The following CDH13 variants were observed in gnomAD, a reference collection of about 807,000 sequenced individuals.
CDH13 encodes the protein cadherin 13.
A neutral mutation model predicts 63.8 loss-of-function variants in CDH13; 24 were observed. The observed-to-expected ratio is 0.38, with a 90% CI of 0.27 to 0.53. The LOEUF is 0.53. CDH13 is among the 20% of genes least tolerant of loss of function. CDH13 has a pLI of 0.85. For missense variants in CDH13, 1,049 were observed against 903.1 expected, an observed-to-expected ratio of 1.16 and a Z score of -2.07; for synonymous variants, 503 against 355.3, an observed-to-expected ratio of 1.42 and a Z score of -4.67.
At chr16:83,366,223 C>T (rs193171097) in intron 6 of CDH13, among the ~76,000 whole-genome samples, 1 of 152,156 alleles carries the variant, frequency 6.6e-6, no homozygotes, top group African/African-American at 2.4e-5. Context: ...AATGAATTAC[C>T]AACTTACAAT....
chr16:83,381,634 A>C (rs903492328), intron 6 of CDH13, among the ~76,000 whole-genome samples: 1 of 151,454 alleles, frequency 6.6e-6, no homozygotes, highest in African/African-American at 2.4e-5. Context: ...AACCACTCTC[A>C]CCTAAAAAAG....
At chr16:83,643,345 A>C (rs1341936568) in intron 8 of CDH13, among the ~76,000 whole-genome samples, 1 of 151,544 alleles carries the variant, frequency 6.6e-6, no homozygotes, top group Non-Finnish European at 1.5e-5. Context: ...CTGAGAGAGG[A>C]CTATGTTCTT....
chr16:82,937,929 A>C (rs914606570), intron 2 of CDH13, among the ~76,000 whole-genome samples: 4 of 152,216 alleles, frequency 2.6e-5, no homozygotes, highest in Non-Finnish European at 5.9e-5. Flanking sequence ...AAGGACAGTA[A>C]TTGGATATAG....
At chr16:83,219,488 A>G (rs1035268110) in intron 5 of CDH13, among the ~76,000 whole-genome samples, 1 of 152,200 alleles carries the variant, frequency 6.6e-6, no homozygotes, top group Non-Finnish European at 1.5e-5. Flanking sequence ...ATGTCATAGG[A>G]TTTCATAAGG....
intron 2 of CDH13, among the ~76,000 whole-genome samples, chr16:82,877,960 C>CACACACAT (rs1484544279): frequency 1.1e-5 from 1 of 91,132 alleles, no homozygotes; most frequent in South Asian, 6.0e-4. Flanking sequence ...CACACACACA[C>CACACACAT]ATATACACAC....
intron 1 of CDH13, among the ~76,000 whole-genome samples, chr16:82,762,375 T>C (rs1023459866): frequency 3.3e-5 from 5 of 152,206 alleles, no homozygotes; most frequent in Non-Finnish European, 7.3e-5. Flanking sequence ...AAAATATACC[T>C]GTGATTTTCT....
At chr16:83,434,595 A>T (rs532176911) in intron 6 of CDH13, among the ~76,000 whole-genome samples, 43 of 151,788 alleles carry the variant, frequency 2.8e-4, no homozygotes, top group Non-Finnish European at 6.2e-4. Flanking sequence ...AAAAGAAAAA[A>T]CAGATCCATC....
At chr16:82,875,422 G>C (rs1254214425) in intron 2 of CDH13, among the ~76,000 whole-genome samples, 1 of 152,178 alleles carries the variant, frequency 6.6e-6, no homozygotes, top group Admixed American at 6.5e-5. Flanking sequence ...AAGTTGCATA[G>C]TCACAGGTTC....
intron 6 of CDH13, among the ~76,000 whole-genome samples, chr16:83,409,502 G>C (rs1269507803): frequency 6.6e-6 from 1 of 152,244 alleles, no homozygotes; most frequent in East Asian, 1.9e-4. Context: ...GGGACATGTA[G>C]AGTTCAAGCA....
chr16:83,180,440 C>T (rs897004966), intron 4 of CDH13, among the ~76,000 whole-genome samples: 1 of 151,912 alleles, frequency 6.6e-6, no homozygotes, highest in Non-Finnish European at 1.5e-5. Flanking sequence ...AAAATAGTGC[C>T]AAGGAATGGA....
At chr16:83,377,123 C>A (rs2091474132) in intron 6 of CDH13, among the ~76,000 whole-genome samples, 1 of 152,156 alleles carries the variant, frequency 6.6e-6, no homozygotes, top group East Asian at 1.9e-4. Flanking sequence ...CAGCTGAGTC[C>A]TTCCTGAATC....
chr16:82,817,120 C>A lies in CDH13; in HGVS notation c.46-41242C>A, dbSNP rs560173214. Among the ~76,000 whole-genome samples, 4 of 152,200 alleles carry A rather than the reference C, an allele frequency of 2.6e-5. No individual in the cohort carries two copies. In the South Asian group the frequency reaches 6.2e-4, roughly 24 times the overall value. ...TCCAACACAGAGAACCCTGAAGTCC[C>A]ATTCTGTACTTTGTCTTGACTCTCC... is the stretch of plus-strand genomic sequence containing the variant. On this transcript the variant is annotated intron_variant, in intron 1 of 13. Transcript: ENST00000567109.
At chr16:83,474,107 C>T (rs1488147792) in intron 6 of CDH13, among the ~76,000 whole-genome samples, 4 of 152,152 alleles carry the variant, frequency 2.6e-5, no homozygotes, top group African/African-American at 9.7e-5. Flanking sequence ...GCCTGAGTCT[C>T]TTTCTTTTAA....
rs149836530 is a variant in CDH13, at chr16:82,631,563, C to A, written c.45+4426C>A. The stretch of plus-strand genomic sequence containing the variant: ...CATGCACCTGTGAGAATCTGACCCT[C>A]CTGAAGGATGCTGCCAATATAATTC... On this transcript the variant is annotated intron_variant, in intron 1 of 13. Coordinates refer to ENST00000567109, the MANE Select transcript of CDH13 (RefSeq NM_001257.5). Among the ~76,000 whole-genome samples, 283 of 152,318 alleles carry A rather than the reference C, an allele frequency of 1.9e-3. 1 individual carries two copies. Among genetic ancestry groups the A allele is most frequent in the African/African-American group, 6.6e-3 (273 of 41,566 alleles).
At chr16:82,677,860 C>T (rs1007033293) in intron 1 of CDH13, among the ~76,000 whole-genome samples, 1 of 152,258 alleles carries the variant, frequency 6.6e-6, no homozygotes, top group South Asian at 2.1e-4. Flanking sequence ...AGTTTCTAAT[C>T]AAACTAATCC....
intron 3 of CDH13, among the ~76,000 whole-genome samples, chr16:83,096,174 C>T (rs1032021776): frequency 1.6e-4 from 24 of 152,298 alleles, no homozygotes; most frequent in Admixed American, 1.1e-3. Flanking sequence ...GCTATCATTG[C>T]GTACCAGGCT....
chr16:83,378,967 T>C (rs998018322), intron 6 of CDH13, among the ~76,000 whole-genome samples: 32 of 151,722 alleles, frequency 2.1e-4, no homozygotes, highest in African/African-American at 7.5e-4. Context: ...TTCTCCAGTT[T>C]AGAAATTGTA....
chr16:83,199,185 G>A (rs1430487380), intron 4 of CDH13, among the ~76,000 whole-genome samples: 1 of 152,220 alleles, frequency 6.6e-6, no homozygotes, highest in Non-Finnish European at 1.5e-5. Flanking sequence ...GGCCAGGGAC[G>A]TGCCTTGTGA....
At chr16:83,253,592 G>A (rs952320000) in intron 5 of CDH13, among the ~76,000 whole-genome samples, 4 of 152,182 alleles carry the variant, frequency 2.6e-5, no homozygotes, top group African/African-American at 4.8e-5. Flanking sequence ...TCAGCCCTTC[G>A]GGGGTGCTTT....
Sources: allele counts gnomAD v4.1 joint callset (sites outside exome capture counted in the v4.1 genomes callset), GRCh38; gene constraint gnomAD v4.1.1; transcripts MANE v1.5; gene names NCBI Gene and HGNC (gene_info 2026-07-23, HGNC 2026-07-21).